Variants in WDR72 observed in about 807,000 individuals in gnomAD.
The protein encoded by WDR72 is WD repeat-containing protein 72.
A neutral mutation model predicts 124.2 loss-of-function variants in WDR72; 120 were observed. The ratio of observed to expected loss-of-function variants is 0.97; its 90% confidence interval spans 0.83 to 1.12. The LOEUF (loss-of-function observed/expected upper bound fraction) is 1.12, where lower values mean the gene tolerates loss of function less well. WDR72 is among the 50% of genes most tolerant of loss of function. The pLI is 0.00. For synonymous variants in WDR72, 452 were observed against 441.7 expected, an observed-to-expected ratio of 1.02 and a Z score of -0.29; for missense variants, 1,387 against 1,278.8, an observed-to-expected ratio of 1.08 and a Z score of -1.29.
intron 19 of WDR72, among the ~76,000 whole-genome samples, chr15:53,518,548 C>T (rs575849240): frequency 3.7e-4 from 56 of 151,354 alleles, no homozygotes; most frequent in Admixed American, 3.3e-3. Context: ...GTGCTTATAT[C>T]TTCCTACTGG....
At chr15:53,582,530 G>A (rs1349711451) in intron 18 of WDR72, among the ~76,000 whole-genome samples, 1 of 151,874 alleles carries the variant, frequency 6.6e-6, no homozygotes, top group African/African-American at 2.4e-5. Context: ...GAAATGAAGT[G>A]AATTGTGTTT....
chr15:53,541,344 C>G (rs374357692), intron 18 of WDR72, among the ~76,000 whole-genome samples: 2 of 152,180 alleles, frequency 1.3e-5, no homozygotes, highest in Non-Finnish European at 2.9e-5. Flanking sequence ...CCCTGACCCC[C>G]GAGCAGCCTA....
At chr15:53,724,681 T>G (rs2140583562) in intron 2 of WDR72, among the ~76,000 whole-genome samples, 1 of 152,268 alleles carries the variant, frequency 6.6e-6, no homozygotes, top group African/African-American at 2.4e-5. Flanking sequence ...TCCCACAACA[T>G]GTGGGGATTA....
intron 16 of WDR72, among the ~76,000 whole-genome samples, chr15:53,609,977 C>T (rs1028522746): frequency 9.9e-5 from 15 of 152,034 alleles, no homozygotes; most frequent in African/African-American, 2.7e-4. Context: ...AGACAGATCA[C>T]CAAATCTTAC....
At chr15:53,551,011 T>G (rs745343052) in intron 18 of WDR72, among the ~76,000 whole-genome samples, 1 of 152,178 alleles carries the variant, frequency 6.6e-6, no homozygotes, top group Non-Finnish European at 1.5e-5. Context: ...TAATGAAGCT[T>G]GGAGGTCAAG....
upstream of WDR72, among the ~76,000 whole-genome samples, chr15:53,761,291 G>T (rs1025776753): frequency 6.6e-6 from 1 of 152,024 alleles, no homozygotes; most frequent in Non-Finnish European, 1.5e-5. Flanking sequence ...AAATTCAAAC[G>T]GCTCATATCC....
At chr15:53,755,475 G>C (rs538513007) in intron 1 of WDR72, among the ~76,000 whole-genome samples, 1 of 152,270 alleles carries the variant, frequency 6.6e-6, no homozygotes, top group East Asian at 1.9e-4. Context: ...TCAAAAGCGG[G>C]CATATAGAAT....
chr15:53,595,336 T>G (rs1046460667), intron 18 of WDR72, among the ~76,000 whole-genome samples: 1 of 152,116 alleles, frequency 6.6e-6, no homozygotes, highest in Non-Finnish European at 1.5e-5. Context: ...CAGGCTGGAT[T>G]CTAACTCCTA....
At chr15:53,646,355 C>G (rs1359015560) in intron 14 of WDR72, among the ~76,000 whole-genome samples, 1 of 152,090 alleles carries the variant, frequency 6.6e-6, no homozygotes. Flanking sequence ...CAAATAATCT[C>G]TCAGCAATCA....
chr15:53,702,189 A>C lies in WDR72; in HGVS notation c.1514T>G (p.Phe505Cys). The change falls in exon 12 of 20, where the codon TTC becomes TGC. Residue 505 changes from phenylalanine (F) to cysteine (C), a missense_variant. Coordinates refer to ENST00000360509, the MANE Select transcript of WDR72 (RefSeq NM_182758.4). ...DIFTEEILHK[F>C]FLEAGPVTSL... ...TGTTACTGGACCAGCTTCCAAAAAGAATTTATGCAAAATTTCTTCAGTAAA... is the reference window on the plus strand; with the variant it reads ...TGTTACTGGACCAGCTTCCAAAAAGCATTTATGCAAAATTTCTTCAGTAAA... The C allele has an allele frequency of 6.2e-7, 1 of 1,614,078 alleles. No homozygotes were observed. The highest frequency in any genetic ancestry group is 8.5e-7 in the Non-Finnish European group (1 of 1,180,012).
chr15:53,675,820 C>G (rs1215540940), intron 13 of WDR72, among the ~76,000 whole-genome samples: 2 of 152,050 alleles, frequency 1.3e-5, no homozygotes, highest in Non-Finnish European at 2.9e-5. Flanking sequence ...GGTATGGTCT[C>G]TTGAATAAAG....
At chr15:53,603,996 G>C (rs1475125735) in intron 17 of WDR72, among the ~76,000 whole-genome samples, 1 of 151,804 alleles carries the variant, frequency 6.6e-6, no homozygotes, top group African/African-American at 2.4e-5. Flanking sequence ...AATTCATATG[G>C]AACCAAAAAA....
intron 18 of WDR72, among the ~76,000 whole-genome samples, chr15:53,578,695 TAAGAG>T (rs1284221085): frequency 6.6e-6 from 1 of 151,994 alleles, no homozygotes; most frequent in Non-Finnish European, 1.5e-5. Context: ...CACTTTATCC[TAAGAG>T]AAAAGAGAAG....
intron 18 of WDR72, among the ~76,000 whole-genome samples, chr15:53,533,134 C>A (rs1892571442): frequency 6.6e-6 from 1 of 151,988 alleles, no homozygotes; most frequent in African/African-American, 2.4e-5. Context: ...ACACTTGGAA[C>A]ACTGTGTGTG....
At chr15:53,694,346 T>C (rs987362414) in intron 13 of WDR72, among the ~76,000 whole-genome samples, 4 of 152,184 alleles carry the variant, frequency 2.6e-5, no homozygotes, top group Admixed American at 2.6e-4. Context: ...TCCCTTCCCA[T>C]CAGCTGTCGC....
Position 53,609,572 on chromosome 15 carries a change from G to A in WDR72, c.2893C>T (p.Pro965Ser). The change falls in exon 17 of 20, where the codon CCT becomes TCT. Residue 965 changes from proline to serine, a missense_variant. Pro to Ser is a moderately conservative substitution (Grantham distance 74, BLOSUM62 -1). Transcript: ENST00000360509. ...LRNGKNESHVPEADLSLLKLI... is the reference protein window; with the variant it reads ...LRNGKNESHVSEADLSLLKLI... ...TTCAAAAGTGAAAGGTCAGCCTCAG[G>A]TACATGGGATTCATTCTTACCTAGA... is the stretch of plus-strand genomic sequence containing the variant. 1 of 1,613,402 alleles carries A rather than the reference G, an allele frequency of 6.2e-7. No individual in the cohort carries two copies. The highest frequency in any genetic ancestry group is 8.5e-7 in the Non-Finnish European group (1 of 1,179,566).
intron 1 of WDR72, among the ~76,000 whole-genome samples, chr15:53,753,681 C>T (rs1199010274): frequency 6.6e-6 from 1 of 152,174 alleles, no homozygotes; most frequent in African/African-American, 2.4e-5. Context: ...TCCTACTTTC[C>T]CTTATTCCTA....
At chr15:53,690,998 G>A (rs925971649) in intron 13 of WDR72, among the ~76,000 whole-genome samples, 6 of 152,054 alleles carry the variant, frequency 3.9e-5, no homozygotes, top group African/African-American at 1.2e-4. Context: ...AAGTATCCTA[G>A]TGAATATGAA....
chr15:53,540,157 A>T (rs1892999732), intron 18 of WDR72, among the ~76,000 whole-genome samples: 1 of 152,266 alleles, frequency 6.6e-6, no homozygotes, highest in East Asian at 1.9e-4. Flanking sequence ...AATGGAAACT[A>T]ACGATAGATA....
Sources: allele counts gnomAD v4.1 joint callset (sites outside exome capture counted in the v4.1 genomes callset), GRCh38; gene constraint gnomAD v4.1.1; transcripts MANE v1.5; gene names NCBI Gene and HGNC (gene_info 2026-07-23, HGNC 2026-07-21).